Variants in LUZP2 observed in about 807,000 individuals in gnomAD.
LUZP2 encodes leucine zipper protein 2.
A neutral mutation model predicts 51.6 loss-of-function variants in LUZP2; 52 were observed. The ratio of observed to expected loss-of-function variants is 1.01; its 90% CI spans 0.81 to 1.27. The LOEUF is 1.27. Ranked by LOEUF, LUZP2 falls within the 50% of genes most tolerant of loss-of-function variation. The pLI, the probability that LUZP2 is intolerant of heterozygous loss-of-function variation, is 0.00. For missense variants in LUZP2, 436 were observed against 395.4 expected (o/e 1.10, Z -0.87); for synonymous variants, 154 against 137.3 (o/e 1.12, Z -0.85).
At chr11:24,744,580 G>A (rs1278308206) in intron 4 of LUZP2, among the ~76,000 whole-genome samples, 1 of 151,940 alleles carries the variant, frequency 6.6e-6, no homozygotes, top group East Asian at 1.9e-4. Flanking sequence ...TCTTAGTGAG[G>A]TTGTTTGGGT....
At chr11:24,932,047 A>G (rs1854471225) in intron 7 of LUZP2, among the ~76,000 whole-genome samples, 1 of 152,202 alleles carries the variant, frequency 6.6e-6, no homozygotes. Flanking sequence ...GCCACCCACC[A>G]GAGCTACTGG....
chr11:25,059,273 C>A (rs1456639213), intron 10 of LUZP2, among the ~76,000 whole-genome samples: 1 of 152,048 alleles, frequency 6.6e-6, no homozygotes, highest in South Asian at 2.1e-4. Context: ...ATCAGCGATA[C>A]AAAGTAAATG....
chr11:24,531,848 G>A lies in LUZP2; in HGVS notation c.62+34543G>A, dbSNP rs563338304. Among the ~76,000 whole-genome samples, 124 of 150,864 alleles carry A rather than the reference G, an allele frequency of 8.2e-4. 1 individual carries two copies. Among genetic ancestry groups the A allele is most frequent in the African/African-American group, 2.3e-3 (94 of 41,398 alleles). On this transcript the variant is annotated intron_variant, in intron 1 of 11. Coordinates refer to ENST00000336930, the MANE Select transcript of LUZP2 (RefSeq NM_001009909.4). ...AGCTTAAGACAAAAACTTAGAAGTC[G>A]TCCTTGGTAACTCTCTTTGCCTCAT...
intron 1 of LUZP2, among the ~76,000 whole-genome samples, chr11:24,717,522 C>T (rs1179402133): frequency 3.3e-5 from 5 of 151,604 alleles, no homozygotes; most frequent in African/African-American, 4.9e-5. Context: ...ATTCTCCTGC[C>T]TCAGCTTTCC....
At chr11:24,580,419 T>A (rs1016991489) in intron 1 of LUZP2, among the ~76,000 whole-genome samples, 1 of 152,094 alleles carries the variant, frequency 6.6e-6, no homozygotes, top group Non-Finnish European at 1.5e-5. Context: ...ATAAATAGGC[T>A]GAGAGTTTAC....
At chr11:24,980,291 TC>T (rs1178849666) in intron 8 of LUZP2, among the ~76,000 whole-genome samples, 4 of 151,560 alleles carry the variant, frequency 2.6e-5, no homozygotes, top group Non-Finnish European at 5.9e-5. Context: ...ATGCATTTTT[TC>T]TGAGAAAAGT....
intron 5 of LUZP2, among the ~76,000 whole-genome samples, chr11:24,809,841 A>C (rs1849966061): frequency 6.6e-6 from 1 of 152,134 alleles, no homozygotes; most frequent in African/African-American, 2.4e-5. Flanking sequence ...AATTATGATG[A>C]TACAAAGGTA....
chr11:24,724,367 C>T (rs762294348), intron 1 of LUZP2, among the ~76,000 whole-genome samples: 42 of 151,912 alleles, frequency 2.8e-4, no homozygotes, highest in African/African-American at 9.2e-4. Flanking sequence ...CTCAGGAGTT[C>T]GAGATCAGCC....
At chr11:24,878,104 T>G (rs1232615449) in intron 5 of LUZP2, among the ~76,000 whole-genome samples, 4 of 146,514 alleles carry the variant, frequency 2.7e-5, no homozygotes, top group South Asian at 2.1e-4. Flanking sequence ...TTCTGTGTTT[T>G]TTTTTTTTTT....
At chr11:24,878,117 T>TG (rs780971251) in intron 5 of LUZP2, among the ~76,000 whole-genome samples, 1 of 96,964 alleles carries the variant, frequency 1.0e-5, no homozygotes, top group Non-Finnish European at 2.1e-5. Flanking sequence ...TTTTTTTTTT[T>TG]GGTGAACTTA....
At chr11:24,580,508 T>G (rs1230261040) in intron 1 of LUZP2, among the ~76,000 whole-genome samples, 1 of 152,082 alleles carries the variant, frequency 6.6e-6, no homozygotes, top group African/African-American at 2.4e-5. Flanking sequence ...ACCTAAATCT[T>G]CTGCTGATTT....
chr11:24,711,096 T>C (rs1565091948), intron 1 of LUZP2, among the ~76,000 whole-genome samples: 1 of 152,134 alleles, frequency 6.6e-6, no homozygotes, highest in Non-Finnish European at 1.5e-5. Flanking sequence ...TAGCTCCATA[T>C]CCTTCAAGGG....
chr11:24,921,831 C>G (rs901830501), intron 7 of LUZP2, among the ~76,000 whole-genome samples: 3 of 152,180 alleles, frequency 2.0e-5, no homozygotes, highest in African/African-American at 7.2e-5. Flanking sequence ...CCTGTGTAAT[C>G]AGAGGAGTAC....
At chr11:25,009,047 G>A (rs187610215) in intron 9 of LUZP2, among the ~76,000 whole-genome samples, 8 of 152,192 alleles carry the variant, frequency 5.3e-5, no homozygotes, top group Admixed American at 5.2e-4. Flanking sequence ...TCTTAGCACT[G>A]TCATAAACAC....
At chr11:24,912,528 G>A (rs1853667195) in intron 6 of LUZP2, among the ~76,000 whole-genome samples, 1 of 152,038 alleles carries the variant, frequency 6.6e-6, no homozygotes, top group Non-Finnish European at 1.5e-5. Flanking sequence ...ATATTCTGGG[G>A]CTGGGCATGG....
chr11:24,836,280 T>G (rs1850857744), intron 5 of LUZP2, among the ~76,000 whole-genome samples: 1 of 151,804 alleles, frequency 6.6e-6, no homozygotes, highest in Non-Finnish European at 1.5e-5. Flanking sequence ...CAAGTACTCA[T>G]TAAGTCATCA....
At chr11:24,798,665 T>C (rs1354505999) in intron 5 of LUZP2, among the ~76,000 whole-genome samples, 1 of 152,086 alleles carries the variant, frequency 6.6e-6, no homozygotes, top group Admixed American at 6.6e-5. Flanking sequence ...AATGGGCGTA[T>C]AGGCTGTGGG....
intron 1 of LUZP2, among the ~76,000 whole-genome samples, chr11:24,648,378 T>C (rs905511156): frequency 6.6e-6 from 1 of 151,958 alleles, no homozygotes; most frequent in African/African-American, 2.4e-5. Flanking sequence ...CCCTGTCTAC[T>C]GTCTCTAATA....
chr11:24,651,181 C>T (rs1235286799), intron 1 of LUZP2, among the ~76,000 whole-genome samples: 1 of 152,062 alleles, frequency 6.6e-6, no homozygotes, highest in Non-Finnish European at 1.5e-5. Context: ...TCAGCTGATA[C>T]TAACCAATGG....
Sources: gnomAD v4.1 joint callset for allele counts (sites outside exome capture counted in the v4.1 genomes callset) on GRCh38, gnomAD v4.1.1 for gene constraint, MANE v1.5 for transcripts, NCBI Gene and HGNC (gene_info 2026-07-23, HGNC 2026-07-21) for gene names.